PTPRD: variants seen among roughly 807,000 people sequenced by gnomAD.
The protein encoded by PTPRD is protein tyrosine phosphatase receptor type D.
PTPRD carries 34 observed loss-of-function variants against 214.5 expected under a neutral mutation model. The ratio of observed to expected loss-of-function variants is 0.16; its 90% CI spans 0.12 to 0.21. The LOEUF is 0.21. PTPRD is among the 10% of genes least tolerant of loss of function. The pLI is 1.00. For synonymous variants in PTPRD, 1,128 were observed against 845.7 expected (o/e 1.33, Z -5.79); for missense variants, 2,545 against 2,398.7 (o/e 1.06, Z -1.27).
chr9:9,583,049 G>C (rs1242956328), intron 7 of PTPRD, among the ~76,000 whole-genome samples: 1 of 151,972 alleles, frequency 6.6e-6, no homozygotes, highest in East Asian at 1.9e-4. Context: ...GTATAGGCTG[G>C]AATTTGTATT....
chr9:10,231,371 A>G (rs978680167), intron 3 of PTPRD, among the ~76,000 whole-genome samples: 6 of 152,130 alleles, frequency 3.9e-5, no homozygotes, highest in Admixed American at 2.0e-4. Context: ...GGAAGGGATA[A>G]TATAGGTCAC....
intron 11 of PTPRD, among the ~76,000 whole-genome samples, chr9:8,902,183 T>C (rs1162676427): frequency 1.3e-5 from 2 of 152,120 alleles, no homozygotes; most frequent in Non-Finnish European, 2.9e-5. Context: ...ATATGTGTGT[T>C]TATGACACTG....
intron 11 of PTPRD, among the ~76,000 whole-genome samples, chr9:8,960,486 A>G (rs1038542745): frequency 3.3e-5 from 5 of 152,116 alleles, no homozygotes; most frequent in Non-Finnish European, 5.9e-5. Flanking sequence ...AAATTCTGAC[A>G]TGGGTACCCA....
chr9:9,953,935 T>C (rs183236607), intron 4 of PTPRD, among the ~76,000 whole-genome samples: 126 of 152,248 alleles, frequency 8.3e-4, no homozygotes, highest in African/African-American at 2.9e-3. Flanking sequence ...TTCTTTGCTG[T>C]GTTTTTTAAA....
chr9:9,417,846 A>G (rs575642430), intron 8 of PTPRD, among the ~76,000 whole-genome samples: 20 of 152,192 alleles, frequency 1.3e-4, no homozygotes, highest in Middle Eastern at 3.4e-3. Context: ...CTTTGAACAT[A>G]CCTATGCTAA....
intron 7 of PTPRD, among the ~76,000 whole-genome samples, chr9:9,705,627 C>G (rs1428657241): frequency 1.3e-5 from 2 of 151,790 alleles, no homozygotes; most frequent in Admixed American, 1.3e-4. Flanking sequence ...CATTTCTCAG[C>G]TAATGAAAAT....
intron 14 of PTPRD, among the ~76,000 whole-genome samples, chr9:8,628,351 A>G (rs1462574180): frequency 6.6e-6 from 1 of 151,838 alleles, no homozygotes; most frequent in Non-Finnish European, 1.5e-5. Flanking sequence ...TTTCCTAACA[A>G]CTGCCATAAT....
chr9:9,031,210 A>AT (rs35222570), intron 10 of PTPRD, among the ~76,000 whole-genome samples: 79,285 of 151,574 alleles, frequency 0.52, 21,022 homozygotes, highest in East Asian at 0.65. Flanking sequence ...ACTTACTAGT[A>AT]TTATATTACT....
intron 10 of PTPRD, among the ~76,000 whole-genome samples, chr9:9,050,637 G>A (rs934906898): frequency 1.3e-5 from 2 of 151,974 alleles, no homozygotes; most frequent in Admixed American, 6.6e-5. Flanking sequence ...TGAAATCTCA[G>A]ACAGTCTTGC....
At chr9:8,815,524 C>T (rs1000596950) in intron 11 of PTPRD, among the ~76,000 whole-genome samples, 22 of 152,158 alleles carry the variant, frequency 1.4e-4, no homozygotes, top group African/African-American at 4.8e-4. Flanking sequence ...CTAACATTTA[C>T]TCATCAAAAT....
intron 10 of PTPRD, among the ~76,000 whole-genome samples, chr9:9,096,818 T>C (rs2099784227): frequency 6.6e-6 from 1 of 152,226 alleles, no homozygotes; most frequent in Non-Finnish European, 1.5e-5. Context: ...GCTTCATGAA[T>C]GAGGCCATAA....
chr9:9,203,866 AG>A lies in PTPRD; in HGVS notation c.-202-20504del, dbSNP rs750733239. Reference sequence around the variant, plus strand: ...CTATTTTAGAGATGTGTTATAGAAAAGCTAATTTGAGTGTAGAGTATGAGAA... The same window carrying A: ...CTATTTTAGAGATGTGTTATAGAAAACTAATTTGAGTGTAGAGTATGAGAA... On this transcript the variant is annotated intron_variant, in intron 9 of 45. Transcript: ENST00000381196. Among the ~76,000 whole-genome samples, 188 of 152,230 alleles carry A rather than the reference AG, an allele frequency of 1.2e-3. 1 individual carries two copies. The highest frequency in any genetic ancestry group is 1.8e-3 in the Non-Finnish European group (122 of 68,044).
rs10756001 is a variant in PTPRD at position 10,060,897 on chromosome 9, C to T, written c.-544-27107G>A. On this transcript the variant is annotated intron_variant, in intron 3 of 45. Transcript: ENST00000381196. ...CCTTCCTTCCTTCCTTCCTTCCTTC[C>T]TTCTTTCTTTCTTTCTTTCTTTCTT... 5.8e-3 allele frequency among the ~76,000 whole-genome samples: 411 copies of T among 70,554 alleles called. 6 individuals carry two copies. Among genetic ancestry groups the T allele is most frequent in the East Asian group, 0.045 (92 of 2,042 alleles). The allele number at this position is 70,554 out of a possible 152,430, so 46.3% of individuals were successfully genotyped here.
At chr9:9,647,434 G>A (rs2096222456) in intron 7 of PTPRD, among the ~76,000 whole-genome samples, 1 of 152,056 alleles carries the variant, frequency 6.6e-6, no homozygotes, top group African/African-American at 2.4e-5. Context: ...ATACTCTTCA[G>A]AATGTTATCT....
At chr9:9,080,782 C>T (rs2099757848) in intron 10 of PTPRD, among the ~76,000 whole-genome samples, 1 of 152,070 alleles carries the variant, frequency 6.6e-6, no homozygotes, top group East Asian at 1.9e-4. Context: ...AGTTTATTTG[C>T]ATAGAGGTGT....
intron 11 of PTPRD, among the ~76,000 whole-genome samples, chr9:8,740,561 A>G (rs932403563): frequency 6.6e-6 from 1 of 152,236 alleles, no homozygotes. Context: ...ATTGAATTTA[A>G]TAAAACTATG....
At chr9:9,133,581 A>T (rs538026619) in intron 10 of PTPRD, among the ~76,000 whole-genome samples, 1 of 152,316 alleles carries the variant, frequency 6.6e-6, no homozygotes, top group East Asian at 1.9e-4. Context: ...GTTATAAAAA[A>T]ACTCACTTTT....
At chr9:8,821,295 C>G (rs749525393) in intron 11 of PTPRD, among the ~76,000 whole-genome samples, 9 of 152,132 alleles carry the variant, frequency 5.9e-5, no homozygotes, top group Non-Finnish European at 1.2e-4. Flanking sequence ...CTCTGTCTCT[C>G]TCTCTCTCTC....
At chr9:9,140,934 G>A (rs954401876) in intron 10 of PTPRD, among the ~76,000 whole-genome samples, 16 of 152,190 alleles carry the variant, frequency 1.1e-4, no homozygotes, top group African/African-American at 3.9e-4. Context: ...GAATGAAGCT[G>A]GACTACCTTT....
Sources: allele counts gnomAD v4.1 joint callset (sites outside exome capture counted in the v4.1 genomes callset), GRCh38; gene constraint gnomAD v4.1.1; transcripts MANE v1.5; gene names NCBI Gene and HGNC (gene_info 2026-07-23, HGNC 2026-07-21).